CAPN9: variants seen among roughly 807,000 people sequenced by gnomAD.
CAPN9 encodes the protein calpain-9.
A neutral mutation model predicts 92.8 loss-of-function variants in CAPN9; 81 were observed. The ratio of observed to expected loss-of-function variants is 0.87; its 90% confidence interval spans 0.73 to 1.05. CAPN9 has a LOEUF of 1.05. Among genes scored for constraint, CAPN9 ranks in the 50% least tolerant of loss-of-function variants. The pLI is 0.00. For synonymous variants in CAPN9, 304 were observed against 328.0 expected, an observed-to-expected ratio of 0.93 and a Z score of 0.79; for missense variants, 848 against 866.2, an observed-to-expected ratio of 0.98 and a Z score of 0.26.
At chr1:230,751,606 AAAG>A (rs1380130595) in intron 1 of CAPN9, among the ~76,000 whole-genome samples, 3 of 7,170 alleles carry the variant, frequency 4.2e-4, no homozygotes, top group Non-Finnish European at 6.0e-4. Flanking sequence ...AGAAAGAAAG[AAAG>A]AGAAAGAAAG....
At chr1:230,751,621 AAGAAAGAAAG>A (rs1664814400) in intron 1 of CAPN9, among the ~76,000 whole-genome samples, 1 of 56,306 alleles carries the variant, frequency 1.8e-5, no homozygotes, top group African/African-American at 8.9e-5. Context: ...GAAAGAAAGA[AAGAAAGAAAG>A]AAAGAAAGAA....
chr1:230,771,872 A>ACCT, intron 6 of CAPN9, 142 bp from the exon 7 acceptor site: 1 of 666,858 alleles, frequency 1.5e-6, no homozygotes, highest in Non-Finnish European at 2.7e-6. Flanking sequence ...ACTTCTACAT[A>ACCT]CCTTCAGCAG....
chr1:230,795,140 G>A, intron 17 of CAPN9, 23 bp from the exon 18 acceptor site: 1 of 1,488,368 alleles, frequency 6.7e-7, no homozygotes, highest in Non-Finnish European at 9.4e-7. Context: ...GCGAGTCCTG[G>A]GTCTCCTCCT....
At position 230,796,329 on chromosome 1, in the gene CAPN9, TATAAATAAATAAATAA is replaced by T. The variant is rs67443675; in HGVS notation, c.1987+1079_1987+1094del. The stretch of plus-strand genomic sequence containing the variant: ...ACAGTGGGAGACTCCATCTCAAAAA[TATAAATAAATAAATAA>T]ATAAATAAATAAATAAATAAATAAA... On this transcript the variant is annotated intron_variant, in intron 18 of 19. Transcript: ENST00000271971. Among the ~76,000 whole-genome samples, 400 of 142,258 alleles carry T rather than the reference TATAAATAAATAAATAA, an allele frequency of 2.8e-3. 3 individuals are homozygous for T. In the East Asian group the frequency reaches 0.036, roughly 13 times the overall value. The allele number at this position is 142,258 out of a possible 152,430, so 93.3% of individuals were successfully genotyped here.
chr1:230,778,527 C>T (rs1293921702), intron 8 of CAPN9, among the ~76,000 whole-genome samples: 1 of 152,184 alleles, frequency 6.6e-6, no homozygotes, highest in African/African-American at 2.4e-5. Context: ...CACCTCGTGC[C>T]TTCCTGGTGT....
chr1:230,762,238 G>A (rs28359628), intron 3 of CAPN9, among the ~76,000 whole-genome samples: 222 of 152,292 alleles, frequency 1.5e-3, no homozygotes, highest in Non-Finnish European at 2.2e-3. Flanking sequence ...CCCTGAAACT[G>A]GATGGGAGAG....
At chr1:230,769,616 CCTATCTATCTAT>C (rs10557166) in intron 6 of CAPN9, among the ~76,000 whole-genome samples, 15,616 of 115,614 alleles carry the variant, frequency 0.14, 1,086 homozygotes, top group African/African-American at 0.23. Flanking sequence ...CACACACACA[CCTATCTATCTAT>C]CTATCTATCT....
chr1:230,751,664 A>G (rs963376252), intron 1 of CAPN9, among the ~76,000 whole-genome samples: 2 of 54,432 alleles, frequency 3.7e-5, no homozygotes, highest in African/African-American at 1.0e-4. Flanking sequence ...AGAAAGAAAG[A>G]AAGAAAGAAA....
chr1:230,758,914 C>A (rs566241986), intron 2 of CAPN9, among the ~76,000 whole-genome samples: 31 of 152,310 alleles, frequency 2.0e-4, no homozygotes, highest in African/African-American at 7.5e-4. Flanking sequence ...CAGATAAAAT[C>A]ATGTTTGATG....
chr1:230,782,076 A>C (rs1467679637), intron 11 of CAPN9, among the ~76,000 whole-genome samples: 1 of 152,202 alleles, frequency 6.6e-6, no homozygotes, highest in Non-Finnish European at 1.5e-5. Flanking sequence ...GGCAAGAACA[A>C]GAGAGACCCA....
rs567645495 is a variant in CAPN9, at chr1:230,762,679, C to T, written c.429C>T (p.Asp143=). 4.8e-5 allele frequency: 78 copies of T among 1,614,062 alleles called. 1 individual carries two copies. The South Asian group carries it at 6.0e-4, about 12-fold the overall frequency. Reference sequence around the variant, plus strand: ...TCTGGCAGCACAGTGAGTGGCTGGACGTGGTGATCGATGACCGCCTGCCCA... The same window carrying T: ...TCTGGCAGCACAGTGAGTGGCTGGATGTGGTGATCGATGACCGCCTGCCCA... ...FQFWQHSEWL[D]VVIDDRLPTF... The change falls in exon 4 of 20, where the codon GAC becomes GAT. Residue 143 remains aspartate, a synonymous_variant. Coordinates refer to ENST00000271971, the MANE Select transcript of CAPN9 (RefSeq NM_006615.3).
At chr1:230,780,779 A>G in intron 11 of CAPN9, 71 bp downstream of exon 11, 2 of 1,254,516 alleles carry the variant, frequency 1.6e-6, no homozygotes, top group Non-Finnish European at 2.3e-6. Context: ...TCACCTGGGA[A>G]CTGCTGGAGC....
intron 1 of CAPN9, chr1:230,752,663 C>A (rs1311341992): frequency 1.0e-6 from 1 of 985,158 alleles, no homozygotes; most frequent in South Asian, 4.7e-5. Flanking sequence ...GGAGCTAGCA[C>A]AGCCTGCTGG....
intron 11 of CAPN9, among the ~76,000 whole-genome samples, chr1:230,783,767 A>G (rs1451420852): frequency 6.6e-6 from 1 of 152,366 alleles, no homozygotes; most frequent in African/African-American, 2.4e-5. Flanking sequence ...AAAATGTGGA[A>G]GTGACTTTGG....
chr1:230,799,134 A>G (rs1365864513), intron 19 of CAPN9, among the ~76,000 whole-genome samples: 3 of 152,096 alleles, frequency 2.0e-5, no homozygotes, highest in Non-Finnish European at 4.4e-5. Flanking sequence ...CCTCTCCACC[A>G]ATTTCCATAC....
chr1:230,779,608 TG>T lies in CAPN9; in HGVS notation c.1114+480del, dbSNP rs1051175364. 7.9e-5 allele frequency among the ~76,000 whole-genome samples: 12 copies of T among 152,194 alleles called. No homozygotes were observed. In the East Asian group the frequency reaches 1.4e-3, roughly 17 times the overall value. On this transcript the variant is annotated intron_variant, in intron 9 of 19. Coordinates refer to ENST00000271971, the MANE Select transcript of CAPN9 (RefSeq NM_006615.3). The stretch of plus-strand genomic sequence containing the variant: ...CATTCACACGAACAGCAAGAGCTCC[TG>T]GGGGTATCAAAAAAAAGCCCTCAAC...
At chr1:230,758,536 G>A (rs1386332974) in intron 2 of CAPN9, among the ~76,000 whole-genome samples, 2 of 152,152 alleles carry the variant, frequency 1.3e-5, no homozygotes, top group African/African-American at 4.8e-5. Context: ...CTCTCAGAAA[G>A]CCAGAACCAG....
chr1:230,797,123 A>G (rs995338992), intron 18 of CAPN9, among the ~76,000 whole-genome samples: 2 of 152,162 alleles, frequency 1.3e-5, no homozygotes, highest in Non-Finnish European at 2.9e-5. Flanking sequence ...TGCACAGTTG[A>G]CCAATTCTGT....
At chr1:230,766,381 T>C (rs1665986627) in intron 4 of CAPN9, among the ~76,000 whole-genome samples, 1 of 152,284 alleles carries the variant, frequency 6.6e-6, no homozygotes, top group Non-Finnish European at 1.5e-5. Context: ...CAATGTGCGA[T>C]GATCAAATCA....
Sources: allele counts gnomAD v4.1 joint callset (sites outside exome capture counted in the v4.1 genomes callset), GRCh38; gene constraint gnomAD v4.1.1; transcripts MANE v1.5; gene names NCBI Gene and HGNC (gene_info 2026-07-23, HGNC 2026-07-21).